Variants in NT5DC1 observed in about 807,000 individuals in gnomAD.
NT5DC1 encodes 5'-nucleotidase domain-containing protein 1.
Under a neutral mutation model 59.4 loss-of-function variants are expected in NT5DC1, and 42 were observed. The ratio of observed to expected loss-of-function variants is 0.71; its 90% CI spans 0.55 to 0.92. The LOEUF is 0.92. Among genes scored for constraint, NT5DC1 ranks in the 40% least tolerant of loss-of-function variants. The pLI is 0.00. For missense variants in NT5DC1, 501 were observed against 537.1 expected, an observed-to-expected ratio of 0.93 and a Z score of 0.66; for synonymous variants, 172 against 188.1, an observed-to-expected ratio of 0.91 and a Z score of 0.70.
At chr6:116,110,648 A>G in intron 3 of NT5DC1, 3 of 654,008 alleles carry the variant, frequency 4.6e-6, no homozygotes, top group South Asian at 1.7e-5. Context: ...CTGCTACTTG[A>G]TGGATTAAAG....
intron 6 of NT5DC1, among the ~76,000 whole-genome samples, chr6:116,135,848 T>TATATATATATATATATATATACAC (rs1562132559): frequency 1.9e-5 from 2 of 105,598 alleles, no homozygotes; most frequent in African/African-American, 9.7e-5. Flanking sequence ...TATATATATA[T>TATATATATATATATATATATACAC]ATATATATAT....
intron 6 of NT5DC1, among the ~76,000 whole-genome samples, chr6:116,138,452 G>C (rs1326405611): frequency 6.6e-6 from 1 of 152,132 alleles, no homozygotes; most frequent in Non-Finnish European, 1.5e-5. Context: ...TCAAATTGGT[G>C]AACACTGTTT....
At chr6:116,101,174 G>A (rs1184079073) in intron 1 of NT5DC1, 151 bp downstream of exon 1, 5 of 591,932 alleles carry the variant, frequency 8.4e-6, no homozygotes, top group South Asian at 2.1e-5. Flanking sequence ...GGCGAGAAGG[G>A]GCGGAAGTGT....
chr6:116,223,498 G>T (rs1288167257), intron 8 of NT5DC1, among the ~76,000 whole-genome samples: 1 of 152,182 alleles, frequency 6.6e-6, no homozygotes, highest in Non-Finnish European at 1.5e-5. Context: ...TCCTCTCTCT[G>T]GGGAACAGGC....
chr6:116,149,248 A>G (rs750757059), intron 6 of NT5DC1, among the ~76,000 whole-genome samples: 101 of 152,334 alleles, frequency 6.6e-4, no homozygotes, highest in Non-Finnish European at 1.4e-3. Flanking sequence ...GGTGACTTCC[A>G]GAATTTTAAA....
chr6:116,184,836 T>C (rs1034714092), intron 6 of NT5DC1, among the ~76,000 whole-genome samples: 1 of 152,112 alleles, frequency 6.6e-6, no homozygotes, highest in Non-Finnish European at 1.5e-5. Flanking sequence ...AACCAGCTTT[T>C]TGTTATATTA....
chr6:116,200,216 T>C (rs1781320469), intron 6 of NT5DC1, among the ~76,000 whole-genome samples: 3 of 151,954 alleles, frequency 2.0e-5, no homozygotes, highest in Admixed American at 1.3e-4. Context: ...ACAAAATATC[T>C]AACTAGTACT....
At chr6:116,121,767 G>C in intron 6 of NT5DC1, 1 of 1,613,728 alleles carries the variant, frequency 6.2e-7, no homozygotes, top group Non-Finnish European at 8.5e-7. Flanking sequence ...CTCTCTCCTG[G>C]TTTTCCTGGG....
chr6:116,116,371 C>T (rs1778963177), intron 5 of NT5DC1, among the ~76,000 whole-genome samples: 1 of 152,136 alleles, frequency 6.6e-6, no homozygotes, highest in African/African-American at 2.4e-5. Context: ...GGGCCAGGTG[C>T]AGTGGCTTAC....
chr6:116,156,584 A>G (rs962055893), intron 6 of NT5DC1, among the ~76,000 whole-genome samples: 3 of 152,244 alleles, frequency 2.0e-5, no homozygotes, highest in African/African-American at 4.8e-5. Flanking sequence ...GAAAGAAAGC[A>G]TAAGGAAGTC....
chr6:116,199,551 G>A (rs1781304358), intron 6 of NT5DC1, among the ~76,000 whole-genome samples: 3 of 152,036 alleles, frequency 2.0e-5, no homozygotes, highest in Admixed American at 2.0e-4. Flanking sequence ...AGTTTCTAAC[G>A]CCATTCTCCA....
At chr6:116,145,028 C>T (rs769823463) in intron 6 of NT5DC1, among the ~76,000 whole-genome samples, 5 of 152,110 alleles carry the variant, frequency 3.3e-5, no homozygotes, top group East Asian at 1.9e-4. Flanking sequence ...AGATTTGATT[C>T]GTACATCAGA....
At chr6:116,184,159 A>C (rs1277255673) in intron 6 of NT5DC1, among the ~76,000 whole-genome samples, 1 of 152,066 alleles carries the variant, frequency 6.6e-6, no homozygotes, top group Non-Finnish European at 1.5e-5. Context: ...TGAGATGATC[A>C]TGTGATTTTT....
chr6:116,112,269 G>A (rs1293701488), intron 4 of NT5DC1, among the ~76,000 whole-genome samples: 2 of 151,990 alleles, frequency 1.3e-5, no homozygotes, highest in African/African-American at 4.8e-5. Context: ...ACATAATAGA[G>A]GCCCATTGTT....
At chr6:116,164,768 T>C (rs576207602) in intron 6 of NT5DC1, among the ~76,000 whole-genome samples, 2 of 152,266 alleles carry the variant, frequency 1.3e-5, no homozygotes, top group East Asian at 3.9e-4. Context: ...CAAATTTCCT[T>C]AGCATTTGTT....
At chr6:116,133,932 T>C (rs908674222) in intron 6 of NT5DC1, among the ~76,000 whole-genome samples, 35 of 152,218 alleles carry the variant, frequency 2.3e-4, no homozygotes, top group Admixed American at 2.0e-3. Context: ...GTGGTTTTTT[T>C]CCCCCAGTGA....
intron 6 of NT5DC1, among the ~76,000 whole-genome samples, chr6:116,128,781 A>C (rs1262345810): frequency 2.0e-5 from 3 of 152,150 alleles, no homozygotes; most frequent in Non-Finnish European, 4.4e-5. Context: ...TGGTTCAAAG[A>C]CTATATTTTC....
chr6:116,203,464 T>C (rs1041437115), intron 6 of NT5DC1, among the ~76,000 whole-genome samples: 4 of 151,958 alleles, frequency 2.6e-5, no homozygotes, highest in African/African-American at 9.7e-5. Flanking sequence ...TATGTAATTA[T>C]GCAGTATGTA....
intron 6 of NT5DC1, among the ~76,000 whole-genome samples, chr6:116,212,436 A>G (rs1265586114): frequency 1.3e-5 from 2 of 152,122 alleles, no homozygotes; most frequent in African/African-American, 2.4e-5. Flanking sequence ...ACATTGAACA[A>G]GTAATCCTTT....
Sources: allele counts gnomAD v4.1 joint callset (sites outside exome capture counted in the v4.1 genomes callset), GRCh38; gene constraint gnomAD v4.1.1; transcripts MANE v1.5; gene names NCBI Gene and HGNC (gene_info 2026-07-23, HGNC 2026-07-21).